The following PSMC2 variants were observed in gnomAD, a reference collection of about 807,000 sequenced individuals.
The protein encoded by PSMC2 is proteasome 26S subunit, ATPase 2.
In PSMC2, 7 loss-of-function variants were observed where a neutral mutation model predicts 53.3. That is an observed-to-expected ratio of 0.13 (90% CI 0.07 to 0.25). The LOEUF (loss-of-function observed/expected upper bound fraction) is 0.25, where lower values mean the gene tolerates loss of function less well. PSMC2 is among the 10% of genes least tolerant of loss of function. The pLI, the probability that PSMC2 is intolerant of heterozygous loss-of-function variation, is 1.00. For missense variants in PSMC2, 241 were observed against 544.0 expected, an observed-to-expected ratio of 0.44 and a Z score of 5.54; for synonymous variants, 169 against 183.9, an observed-to-expected ratio of 0.92 and a Z score of 0.66.
chr7:103,352,872 G>C, intron 1 of PSMC2: 1 of 780,834 alleles, frequency 1.3e-6, no homozygotes, highest in South Asian at 1.3e-5. Flanking sequence ...GAACTGCTTG[G>C]ATTACACGGC....
chr7:103,352,215 T>TAAAA (rs769618353), intron 1 of PSMC2, among the ~76,000 whole-genome samples: 6,154 of 40,648 alleles, frequency 0.15, 1,448 homozygotes, highest in Non-Finnish European at 0.2. Context: ...CATACTTAGT[T>TAAAA]AAAAAAAAAA....
rs35850434 is a variant in PSMC2, at chr7:103,352,638, C to T, written c.71-1283C>T. On this transcript the variant is annotated intron_variant, in intron 1 of 11. Coordinates refer to ENST00000292644, the MANE Select transcript of PSMC2 (RefSeq NM_002803.4). ...CAGGCTGCTCTTGAACGCCTGGACT[C>T]AAGCAATCCGCCTGTCTCGGCCTGG... The T allele has an allele frequency of 0.18, 90,308 of 495,342 alleles. 10,190 individuals carry two copies. The highest frequency in any genetic ancestry group is 0.24 in the Non-Finnish European group (65,614 of 271,326). The allele number at this position is 495,342 out of a possible 1,614,324, so 30.7% of individuals were successfully genotyped here.
intron 1 of PSMC2, chr7:103,348,648 G>C: frequency 6.7e-7 from 1 of 1,496,692 alleles, no homozygotes; most frequent in Admixed American, 1.7e-5. Context: ...AATTCGGCCA[G>C]GGTTCTCGCT....
intron 1 of PSMC2, among the ~76,000 whole-genome samples, chr7:103,348,046 C>T (rs1819643726): frequency 6.6e-6 from 1 of 152,164 alleles, no homozygotes. Context: ...CCTGCTTGGC[C>T]TAATAGGCCT....
chr7:103,368,237 TTTTGACTATTTTTTTGACCCACACCCG>T lies in PSMC2; in HGVS notation c.*187_*213del. 2 of 624,370 alleles carry T rather than the reference TTTTGACTATTTTTTTGACCCACACCCG, an allele frequency of 3.2e-6. No homozygotes were observed. Among genetic ancestry groups the T allele is most frequent in the Non-Finnish European group, 5.1e-6 (2 of 390,684 alleles). The allele number at this position is 624,370 out of a possible 1,614,324, so 38.7% of individuals were successfully genotyped here. On this transcript the variant is annotated 3_prime_UTR_variant, in exon 12 of 12. Transcript: ENST00000292644. ...AGGCAGAAAAGCTTGTTAGAATATA[TTTTGACTATTTTTTTGACCCACACCCG>T]TTTAAGGATTTCACATCATACAAAG...
At chr7:103,352,741 TTTTC>T (rs1819792297) in intron 1 of PSMC2, 2 of 736,350 alleles carry the variant, frequency 2.7e-6, no homozygotes, top group Non-Finnish European at 2.5e-6. Context: ...TAGATTCATT[TTTTC>T]TTTATTTCAC....
In PSMC2 at chr7:103,352,215, TAAAAAAAAAAAAAA is replaced by T. The variant is rs769618353; in HGVS notation, c.71-1688_71-1675del. Among the ~76,000 whole-genome samples the T allele has an allele frequency of 4.9e-4, 20 of 40,622 alleles. No individual in the cohort carries two copies. In the South Asian group the frequency reaches 7.1e-3, roughly 14 times the overall value. 26.6% of individuals were successfully genotyped at this position (40,622 alleles called of 152,430 possible). A position where few individuals can be genotyped will look rare whatever the true frequency, so the allele number is the denominator to read the frequency against. On this transcript the variant is annotated intron_variant, in intron 1 of 11. Coordinates refer to ENST00000292644, the MANE Select transcript of PSMC2 (RefSeq NM_002803.4). ...TTTCCTACCTCTACTCATACTTAGT[TAAAAAAAAAAAAAA>T]AAAAAAAAAAAAAAAAAGACCTGCC...
chr7:103,364,504 G>T (rs542030802), intron 8 of PSMC2, among the ~76,000 whole-genome samples, 197 bp downstream of exon 8: 1 of 152,190 alleles, frequency 6.6e-6, no homozygotes, highest in East Asian at 1.9e-4. Flanking sequence ...TACCTCTCTG[G>T]GCTTAGGCGA....
chr7:103,366,439 A>T (rs1415621006), intron 9 of PSMC2, among the ~76,000 whole-genome samples: 1 of 152,210 alleles, frequency 6.6e-6, no homozygotes, highest in Non-Finnish European at 1.5e-5. Flanking sequence ...TGGAATTCAC[A>T]TATTTTGGAT....
intron 5 of PSMC2, 154 bp downstream of exon 5, chr7:103,362,242 C>T (rs1820454612): frequency 2.1e-6 from 3 of 1,436,542 alleles, no homozygotes; most frequent in Non-Finnish European, 2.7e-6. Flanking sequence ...CTGTCTTCTG[C>T]ATCTGCTTCC....
At chr7:103,363,480 G>T (rs978826402) in intron 7 of PSMC2, 41 bp downstream of exon 7, 3 of 1,538,778 alleles carry the variant, frequency 1.9e-6, no homozygotes, top group Non-Finnish European at 2.7e-6. Flanking sequence ...TTTGTATAAA[G>T]ATGTCTTTTG....
chr7:103,363,855 T>A (rs182294674), intron 7 of PSMC2, among the ~76,000 whole-genome samples: 6 of 152,320 alleles, frequency 3.9e-5, no homozygotes, highest in African/African-American at 1.4e-4. Flanking sequence ...CACCATAATT[T>A]TTTTTAAATT....
rs1820850259 is a variant in PSMC2, at chr7:103,368,640, T to C, written c.*586T>C. 1.3e-5 allele frequency: 2 copies of C among 152,180 alleles called. No homozygotes were observed. The highest frequency in any genetic ancestry group is 6.5e-5 in the Admixed American group (1 of 15,274). 9.4% of individuals were successfully genotyped at this position (152,180 alleles called of 1,614,324 possible). A position where few individuals can be genotyped will look rare whatever the true frequency, so the allele number is the denominator to read the frequency against. On this transcript the variant is annotated 3_prime_UTR_variant, in exon 12 of 12. Coordinates refer to ENST00000292644, the MANE Select transcript of PSMC2 (RefSeq NM_002803.4). The stretch of plus-strand genomic sequence containing the variant: ...AAACATTGGATGTATATGTTTTGCA[T>C]TGCCATTTGATTTCAAATTAATCAG...
chr7:103,361,883 A>G (rs1225722223), intron 4 of PSMC2, 74 bp from the exon 5 acceptor site: 1 of 1,426,804 alleles, frequency 7.0e-7, no homozygotes, highest in African/African-American at 1.4e-5. Flanking sequence ...CACACTCAGG[A>G]TATAATCTAG....
Position 103,347,785 on chromosome 7 carries a change from A to G in PSMC2, c.70+4A>G. ...AAGGACGACAAGCCCATCCGAGGTCAGTTGACATGGGCCGGAGCTCGGAGC... is the reference window on the plus strand; with the variant it reads ...AAGGACGACAAGCCCATCCGAGGTCGGTTGACATGGGCCGGAGCTCGGAGC... On this transcript the variant is annotated splice_donor_region_variant and intron_variant, in intron 1 of 11. Coordinates refer to ENST00000292644, the MANE Select transcript of PSMC2 (RefSeq NM_002803.4). 1 of 1,613,854 alleles carries G rather than the reference A, an allele frequency of 6.2e-7. No homozygotes were observed. Among genetic ancestry groups the G allele is most frequent in the Non-Finnish European group, 8.5e-7 (1 of 1,179,802 alleles).
intron 1 of PSMC2, among the ~76,000 whole-genome samples, chr7:103,348,983 C>A (rs1819668543): frequency 6.6e-6 from 1 of 152,230 alleles, no homozygotes; most frequent in African/African-American, 2.4e-5. Flanking sequence ...TACCAGTTGA[C>A]ACTTTAACTT....
chr7:103,353,800 T>A lies in PSMC2; in HGVS notation c.71-121T>A, dbSNP rs939961939. On this transcript the variant is annotated intron_variant, in intron 1 of 11. Coordinates refer to ENST00000292644, the MANE Select transcript of PSMC2 (RefSeq NM_002803.4). Reference sequence around the variant, plus strand: ...TGAATATGTATCATCATAATCTTGCTTGATTTTTGACACTCACTTAAAACA... The same window carrying A: ...TGAATATGTATCATCATAATCTTGCATGATTTTTGACACTCACTTAAAACA... 6 of 820,796 alleles carry A rather than the reference T, an allele frequency of 7.3e-6. No homozygotes were observed. In the African/African-American group the frequency reaches 1.0e-4, roughly 14 times the overall value. The allele number at this position is 820,796 out of a possible 1,614,324, so 50.8% of individuals were successfully genotyped here.
Position 103,367,296 on chromosome 7 carries a change from G to C in PSMC2, c.845-117G>C. ...TTCTTACAGGATTTGCTTCAAAGTG[G>C]GATGTCACTTGTGCCTGAGGACATG... is the stretch of plus-strand genomic sequence containing the variant. On this transcript the variant is annotated intron_variant, in intron 9 of 11. Transcript: ENST00000292644. This position sits in a 1 kb window ranked among gnomAD's most constrained non-coding sequence, Gnocchi z 6.1. The C allele has an allele frequency of 1.2e-6, 1 of 821,668 alleles. No individual in the cohort carries two copies. Among genetic ancestry groups the C allele is most frequent in the Non-Finnish European group, 2.0e-6 (1 of 506,066 alleles). 50.9% of individuals were successfully genotyped at this position (821,668 alleles called of 1,614,324 possible). A position where few individuals can be genotyped will look rare whatever the true frequency, so the allele number is the denominator to read the frequency against.
Position 103,353,835 on chromosome 7 carries a change from G to C in PSMC2, c.71-86G>C, listed in dbSNP as rs554411468. The C allele has an allele frequency of 8.7e-6, 10 of 1,150,936 alleles. No individual in the cohort carries two copies. The African/African-American group carries it at 1.6e-4, about 18-fold the overall frequency. 71.3% of individuals were successfully genotyped at this position (1,150,936 alleles called of 1,614,324 possible). On this transcript the variant is annotated intron_variant, in intron 1 of 11. Coordinates refer to ENST00000292644, the MANE Select transcript of PSMC2 (RefSeq NM_002803.4). ...ACACTCACTTAAAACAATTTGAATC[G>C]AACAGAAAAAAAGCTCTAGTTTCTT...
Sources: allele counts gnomAD v4.1 joint callset (sites outside exome capture counted in the v4.1 genomes callset), GRCh38; gene constraint gnomAD v4.1.1; non-coding constraint Gnocchi (gnomAD v3.1); transcripts MANE v1.5; gene names NCBI Gene and HGNC (gene_info 2026-07-23, HGNC 2026-07-21).